TNS1: variants seen among roughly 807,000 people sequenced by gnomAD.
TNS1 encodes the protein tensin 1.
TNS1 carries 62 observed loss-of-function variants against 168.6 expected under a neutral mutation model. The ratio of observed to expected loss-of-function variants is 0.37; its 90% CI spans 0.30 to 0.45. The LOEUF (loss-of-function observed/expected upper bound fraction) is 0.45. Ranked by LOEUF, TNS1 falls within the 20% of genes least tolerant of loss-of-function variation. TNS1 has a pLI of 1.00. For synonymous variants in TNS1, 934 were observed against 933.2 expected (o/e 1.00, Z -0.02); for missense variants, 2,240 against 2,339.4 (o/e 0.96, Z 0.88).
rs1347906523 is a variant in TNS1, at chr2:218,008,649, C to A, written c.96+1451G>T. ...TACCTTGGGTAACTGGAACAGAAGC[C>A]TGCTGGCACCTTTCCCCACTGCGGA... On this transcript the variant is annotated intron_variant, in intron 1 of 32. Transcript: ENST00000646520. Among the ~76,000 whole-genome samples, 4 of 152,240 alleles carry A rather than the reference C, an allele frequency of 2.6e-5. No homozygotes were observed. In the East Asian group the frequency reaches 7.7e-4, roughly 29 times the overall value.
At chr2:217,964,246 G>T (rs1324803261) in intron 3 of TNS1, among the ~76,000 whole-genome samples, 2 of 152,168 alleles carry the variant, frequency 1.3e-5, no homozygotes, top group Non-Finnish European at 2.9e-5. Context: ...CACTTTGTAG[G>T]CATTAATGCA....
chr2:218,023,661 C>T (rs1431508812), intron 1 of TNS1, among the ~76,000 whole-genome samples: 1 of 152,214 alleles, frequency 6.6e-6, no homozygotes, highest in Admixed American at 6.5e-5. Flanking sequence ...CTCACTAACC[C>T]TGTGAGGTAG....
chr2:217,929,434 G>A (rs1956198760), intron 3 of TNS1, among the ~76,000 whole-genome samples: 2 of 152,178 alleles, frequency 1.3e-5, no homozygotes, highest in African/African-American at 4.8e-5. Flanking sequence ...TGGAGTGCCA[G>A]GCCCAGGGAG....
intron 9 of TNS1, 150 bp from the exon 10 acceptor site, chr2:217,893,711 C>T: frequency 8.6e-7 from 1 of 1,162,582 alleles, no homozygotes; most frequent in Non-Finnish European, 1.2e-6. Flanking sequence ...GCCCACTGGC[C>T]AGCGAGGAGG....
intron 1 of TNS1, among the ~76,000 whole-genome samples, chr2:218,000,250 A>G (rs778935795): frequency 3.3e-5 from 5 of 152,238 alleles, no homozygotes; most frequent in Non-Finnish European, 5.9e-5. Flanking sequence ...CTTAGATGAC[A>G]CAATTGCAGC....
chr2:218,023,869 G>A (rs1958830193), intron 1 of TNS1, among the ~76,000 whole-genome samples: 1 of 151,698 alleles, frequency 6.6e-6, no homozygotes, highest in Non-Finnish European at 1.5e-5. Context: ...ATCCCAGAGA[G>A]AAGCTTCTGA....
intron 3 of TNS1, among the ~76,000 whole-genome samples, chr2:217,927,184 T>C (rs987775747): frequency 2.0e-5 from 3 of 151,880 alleles, no homozygotes; most frequent in African/African-American, 7.3e-5. Flanking sequence ...AAGGTAGAGA[T>C]GGGGAAAGGA....
At chr2:218,022,781 G>A (rs1958817051) in intron 1 of TNS1, among the ~76,000 whole-genome samples, 1 of 151,780 alleles carries the variant, frequency 6.6e-6, no homozygotes, top group Non-Finnish European at 1.5e-5. Flanking sequence ...CAGCAGGCAA[G>A]GGTGGGGGGT....
At chr2:217,832,172 T>C (rs1944528279) in intron 21 of TNS1, among the ~76,000 whole-genome samples, 1 of 152,166 alleles carries the variant, frequency 6.6e-6, no homozygotes, top group South Asian at 2.1e-4. Flanking sequence ...AACTTCTCAA[T>C]GTGGGGCTCT....
At position 217,813,376 on chromosome 2, in the gene TNS1, G is replaced by T; in HGVS notation, c.4862-69C>A. On this transcript the variant is annotated intron_variant, in intron 26 of 32. Transcript: ENST00000682258. The surrounding 1 kb of genome is among the most constrained non-coding windows in gnomAD (Gnocchi z 4.0). ...CTTCCTCCCACCACCTCCCAAGACT[G>T]CTTCAAAACTTCCGCAGTGTGCGGG... The T allele has an allele frequency of 1.5e-6, 2 of 1,296,786 alleles. No homozygotes were observed. Among genetic ancestry groups the T allele is most frequent in the Non-Finnish European group, 2.2e-6 (2 of 915,058 alleles). The allele number at this position is 1,296,786 out of a possible 1,614,324, so 80.3% of individuals were successfully genotyped here. A position where few individuals can be genotyped will look rare whatever the true frequency, so the allele number is the denominator to read the frequency against.
rs71403015 is a variant in TNS1 at position 217,804,256 on chromosome 2, T to TTC, written c.*201_*202dup. On this transcript the variant is annotated 3_prime_UTR_variant, in exon 33 of 33. Transcript: ENST00000682258. ...GAATCCAAGTTCTTCTCCTCCATCT[T>TTC]TCTCTCTCTCTCTCTCTCTCTCTCT... 0.1 allele frequency: 42,048 copies of TTC among 412,984 alleles called. 762 individuals are homozygous for TTC. Among genetic ancestry groups the TTC allele is most frequent in the African/African-American group, 0.18 (7,955 of 44,118 alleles). 25.6% of individuals were successfully genotyped at this position (412,984 alleles called of 1,614,324 possible).
At chr2:218,017,636 C>A (rs1297856308) in intron 1 of TNS1, among the ~76,000 whole-genome samples, 1 of 152,276 alleles carries the variant, frequency 6.6e-6, no homozygotes, top group South Asian at 2.1e-4. Context: ...GGCCCTGGCA[C>A]GTGTGGGCCA....
chr2:217,973,154 GA>G (rs1456370621), intron 3 of TNS1, among the ~76,000 whole-genome samples: 2 of 151,950 alleles, frequency 1.3e-5, no homozygotes, highest in Non-Finnish European at 2.9e-5. Flanking sequence ...AGGAGTTCAA[GA>G]CCAGCCTGAG....
At chr2:217,998,481 C>T (rs992278350) in intron 1 of TNS1, among the ~76,000 whole-genome samples, 1 of 152,178 alleles carries the variant, frequency 6.6e-6, no homozygotes, top group African/African-American at 2.4e-5. Context: ...TGACGCCCTG[C>T]GCTGGAGTGA....
At position 217,813,384 on chromosome 2, in the gene TNS1, A is replaced by T; in HGVS notation, c.4862-77T>A. 1 of 1,257,264 alleles carries T rather than the reference A, an allele frequency of 8.0e-7. No homozygotes were observed. The highest frequency in any genetic ancestry group is 1.1e-6 in the Non-Finnish European group (1 of 879,246). 77.9% of individuals were successfully genotyped at this position (1,257,264 alleles called of 1,614,324 possible). On this transcript the variant is annotated intron_variant, in intron 26 of 32. Coordinates refer to ENST00000682258, the MANE Select transcript of TNS1 (RefSeq NM_001387777.1). The surrounding 1 kb of genome is among the most constrained non-coding windows in gnomAD (Gnocchi z 4.0). ...CACCACCTCCCAAGACTGCTTCAAAACTTCCGCAGTGTGCGGGGCCAAGAT... is the reference window on the plus strand; with the variant it reads ...CACCACCTCCCAAGACTGCTTCAAATCTTCCGCAGTGTGCGGGGCCAAGAT...
intron 1 of TNS1, among the ~76,000 whole-genome samples, chr2:218,000,863 C>T (rs1182351543): frequency 1.3e-5 from 2 of 152,112 alleles, no homozygotes; most frequent in African/African-American, 2.4e-5. Context: ...GTCTTAAAGA[C>T]ACTCAAGGCC....
At chr2:218,019,337 A>T (rs1958787621) in intron 1 of TNS1, among the ~76,000 whole-genome samples, 1 of 152,184 alleles carries the variant, frequency 6.6e-6, no homozygotes, top group Non-Finnish European at 1.5e-5. Flanking sequence ...GCTGACATGC[A>T]AACTGGATGC....
chr2:217,920,303 A>G (rs1955586030), intron 3 of TNS1, 67 bp from the exon 4 acceptor site: 6 of 702,108 alleles, frequency 8.5e-6, no homozygotes, highest in South Asian at 5.9e-5. Context: ...GCACCTCCTG[A>G]GGTCACCCCA....
intron 1 of TNS1, among the ~76,000 whole-genome samples, chr2:218,022,574 C>T (rs1165467395): frequency 6.6e-6 from 1 of 152,014 alleles, no homozygotes; most frequent in Non-Finnish European, 1.5e-5. Context: ...TCCCTTTGTC[C>T]CCCTGCCTGG....
Sources: gnomAD v4.1 joint callset for allele counts (sites outside exome capture counted in the v4.1 genomes callset) on GRCh38, gnomAD v4.1.1 for gene constraint, Gnocchi (gnomAD v3.1) non-coding constraint, MANE v1.5 for transcripts, NCBI Gene and HGNC (gene_info 2026-07-23, HGNC 2026-07-21) for gene names.